The following CHN1 variants were observed in gnomAD, a reference collection of about 807,000 sequenced individuals.
The protein encoded by CHN1 is chimerin 1, also known as N-chimaerin.
A neutral mutation model predicts 59.5 loss-of-function variants in CHN1; 37 were observed. The observed-to-expected ratio is 0.62, with a 90% CI of 0.48 to 0.82. CHN1 has a LOEUF of 0.82. Ranked by LOEUF, CHN1 falls within the 40% of genes least tolerant of loss-of-function variation. CHN1 has a pLI of 0.00. For missense variants in CHN1, 469 were observed against 571.0 expected (o/e 0.82, Z 1.82); for synonymous variants, 206 against 200.4 (o/e 1.03, Z -0.24).
chr2:174,875,035 G>A (rs1334262068), intron 6 of CHN1, among the ~76,000 whole-genome samples: 4 of 151,740 alleles, frequency 2.6e-5, no homozygotes, highest in African/African-American at 4.8e-5. Flanking sequence ...CACCACGCCC[G>A]GCTAATTTTT....
chr2:175,002,136 A>G (rs1691909832), intron 1 of CHN1, among the ~76,000 whole-genome samples: 1 of 152,254 alleles, frequency 6.6e-6, no homozygotes. Flanking sequence ...AAGGTGAGCG[A>G]GCAGAGTCTG....
At chr2:174,836,279 G>T (rs1269237188) in intron 7 of CHN1, among the ~76,000 whole-genome samples, 1 of 152,130 alleles carries the variant, frequency 6.6e-6, no homozygotes, top group African/African-American at 2.4e-5. Context: ...GTCTGGCTGT[G>T]GTTTTTATAT....
At chr2:174,901,583 A>C (rs1332538091) in intron 5 of CHN1, among the ~76,000 whole-genome samples, 1 of 152,104 alleles carries the variant, frequency 6.6e-6, no homozygotes, top group Non-Finnish European at 1.5e-5. Flanking sequence ...CTACCTAATA[A>C]ACTGTTAAGC....
chr2:174,874,431 C>T (rs1241611113), intron 6 of CHN1, among the ~76,000 whole-genome samples: 1 of 152,022 alleles, frequency 6.6e-6, no homozygotes, highest in African/African-American at 2.4e-5. Flanking sequence ...GAGGAAGCAA[C>T]TGAAATAGTT....
At chr2:174,922,525 T>C (rs988888858) in intron 3 of CHN1, among the ~76,000 whole-genome samples, 9 of 152,106 alleles carry the variant, frequency 5.9e-5, no homozygotes, top group African/African-American at 1.7e-4. Flanking sequence ...CCCCTATCTC[T>C]ACAAAATATT....
rs891961420 is a variant in CHN1, at chr2:174,852,363, T to C, written c.550-5406A>G. On this transcript the variant is annotated intron_variant, in intron 6 of 12. Coordinates refer to ENST00000409900, the MANE Select transcript of CHN1 (RefSeq NM_001822.7). The stretch of plus-strand genomic sequence containing the variant: ...AAAGAAAATAAAATACCTGGGGATA[T>C]GGCTAACCAAGGAGGTGAAAGATCT... Among the ~76,000 whole-genome samples the C allele has an allele frequency of 2.0e-5, 3 of 152,080 alleles. No individual in the cohort carries two copies. In the East Asian group the frequency reaches 5.8e-4, roughly 29 times the overall value.
chr2:174,830,085 T>C (rs1453872124), intron 7 of CHN1, among the ~76,000 whole-genome samples: 1 of 151,924 alleles, frequency 6.6e-6, no homozygotes, highest in Admixed American at 6.6e-5. Context: ...TACAAAAGAA[T>C]AGCCAGGTGT....
chr2:174,858,430 TA>T (rs1686970657), intron 6 of CHN1, among the ~76,000 whole-genome samples: 1 of 152,178 alleles, frequency 6.6e-6, no homozygotes, highest in African/African-American at 2.4e-5. Context: ...ACAAAAGATT[TA>T]ACGTTTATAA....
At chr2:174,807,469 T>TGG (rs1274697435) in intron 11 of CHN1, among the ~76,000 whole-genome samples, 11 of 141,454 alleles carry the variant, frequency 7.8e-5, no homozygotes, top group Non-Finnish European at 1.2e-4. Context: ...TGTGTGTGTG[T>TGG]GTGTGTGTGT....
rs1378584463 is a variant in CHN1 at position 174,889,900 on chromosome 2, T to TGC, written c.261-11774_261-11773dup. Reference sequence around the variant, plus strand: ...ATAAATATGTGTGTGTGTGTGTGTGTGCACGCGTGTGTGTATGTATATATA... The same window carrying TGC: ...ATAAATATGTGTGTGTGTGTGTGTGTGCGCACGCGTGTGTGTATGTATATATA... On this transcript the variant is annotated intron_variant, in intron 5 of 12. Coordinates refer to ENST00000409900, the MANE Select transcript of CHN1 (RefSeq NM_001822.7). Among the ~76,000 whole-genome samples, 9 of 151,770 alleles carry TGC rather than the reference T, an allele frequency of 5.9e-5. No homozygotes were observed. The East Asian group carries it at 1.7e-3, about 29-fold the overall frequency.
intron 5 of CHN1, among the ~76,000 whole-genome samples, chr2:174,892,712 A>T (rs998429073): frequency 4.6e-5 from 7 of 152,188 alleles, no homozygotes; most frequent in African/African-American, 1.7e-4. Flanking sequence ...AGAAATCCTC[A>T]CCAACCTAGT....
chr2:174,856,388 T>C (rs1464466426), intron 6 of CHN1, among the ~76,000 whole-genome samples: 5 of 152,176 alleles, frequency 3.3e-5, no homozygotes, highest in South Asian at 2.1e-4. Context: ...TCTCCGTATA[T>C]AATAAATTTA....
rs538744225 is a variant in CHN1 at position 174,799,466 on chromosome 2, A to C, written c.*650T>G. On this transcript the variant is annotated 3_prime_UTR_variant, in exon 13 of 13. Transcript: ENST00000409900. Reference sequence around the variant, plus strand: ...AGAAAAAATACCAAATTACAACTGAAAACCAATAATAATTTAACAGAAAAT... The same window carrying C: ...AGAAAAAATACCAAATTACAACTGACAACCAATAATAATTTAACAGAAAAT... The C allele has an allele frequency of 2.1e-6, 1 of 480,050 alleles. No individual in the cohort carries two copies. Among genetic ancestry groups the C allele is most frequent in the East Asian group, 4.4e-5 (1 of 22,520 alleles). The allele number at this position is 480,050 out of a possible 1,614,324, so 29.7% of individuals were successfully genotyped here. A position where few individuals can be genotyped will look rare whatever the true frequency, so the allele number is the denominator to read the frequency against.
intron 1 of CHN1, among the ~76,000 whole-genome samples, chr2:174,966,249 T>C (rs545625989): frequency 6.6e-6 from 1 of 152,144 alleles, no homozygotes; most frequent in East Asian, 1.9e-4. Context: ...GATTCAACTC[T>C]GATGGAAATA....
rs1450905115 is a variant in CHN1 at position 174,883,901 on chromosome 2, CAAAAAGAT to C, written c.261-5781_261-5774del. 5.2e-3 allele frequency among the ~76,000 whole-genome samples: 664 copies of C among 128,884 alleles called. 6 individuals are homozygous for C. Among genetic ancestry groups the C allele is most frequent in the African/African-American group, 0.018 (625 of 34,800 alleles). The allele number at this position is 128,884 out of a possible 152,430, so 84.6% of individuals were successfully genotyped here. A position where few individuals can be genotyped will look rare whatever the true frequency, so the allele number is the denominator to read the frequency against. The stretch of plus-strand genomic sequence containing the variant: ...GAGAAAATTTTAAAGAACAAAAAGA[CAAAAAGAT>C]AAAAAAAAGGAGAGAAAATAATTAA... On this transcript the variant is annotated intron_variant, in intron 5 of 12. Transcript: ENST00000409900.
rs992983881 is a variant in CHN1, at chr2:174,949,136, G to C, written c.58+3028C>G. Among the ~76,000 whole-genome samples, 61 of 152,060 alleles carry C rather than the reference G, an allele frequency of 4.0e-4. 1 individual carries two copies. The highest frequency in any genetic ancestry group is 8.8e-5 in the Non-Finnish European group (6 of 68,000). On this transcript the variant is annotated intron_variant, in intron 2 of 12. Transcript: ENST00000409900. ...GATTCCTAAGAGATGAAGTCCTTAA[G>C]GTACAATTAATAAACATCTTACTGA...
intron 3 of CHN1, among the ~76,000 whole-genome samples, chr2:174,931,434 T>C (rs372680838): frequency 6.6e-6 from 1 of 152,218 alleles, no homozygotes; most frequent in Non-Finnish European, 1.5e-5. Context: ...TCCCACCTAA[T>C]AGAATATGTC....
At chr2:174,804,652 T>G (rs555463330) in intron 11 of CHN1, among the ~76,000 whole-genome samples, 15 of 152,316 alleles carry the variant, frequency 9.8e-5, no homozygotes, top group African/African-American at 3.6e-4. Flanking sequence ...TTCATTGGAT[T>G]CCTGATGAAG....
intron 5 of CHN1, among the ~76,000 whole-genome samples, chr2:174,911,123 T>C (rs925166807): frequency 1.3e-5 from 2 of 152,078 alleles, no homozygotes; most frequent in Non-Finnish European, 2.9e-5. Context: ...AAGTCAGGAA[T>C]AGTAAACCAG....
Sources: gnomAD v4.1 joint callset for allele counts (sites outside exome capture counted in the v4.1 genomes callset) on GRCh38, gnomAD v4.1.1 for gene constraint, MANE v1.5 for transcripts, NCBI Gene and HGNC (gene_info 2026-07-23, HGNC 2026-07-21) for gene names.